CTNNA3: variants seen among roughly 807,000 people sequenced by gnomAD.
The protein encoded by CTNNA3 is catenin alpha-3.
CTNNA3 carries 76 observed loss-of-function variants against 95.7 expected under a neutral mutation model. That is an observed-to-expected ratio of 0.79 (90% confidence interval 0.66 to 0.96). CTNNA3 has a LOEUF of 0.96. CTNNA3 is among the 40% of genes least tolerant of loss of function. CTNNA3 has a pLI of 0.00. For missense variants in CTNNA3, 1,191 were observed against 1,089.8 expected, an observed-to-expected ratio of 1.09 and a Z score of -1.31; for synonymous variants, 431 against 374.4, an observed-to-expected ratio of 1.15 and a Z score of -1.74.
At chr10:66,978,095 C>A (rs1016778290) in intron 7 of CTNNA3, among the ~76,000 whole-genome samples, 1 of 150,626 alleles carries the variant, frequency 6.6e-6, no homozygotes, top group East Asian at 2.0e-4. Context: ...CACACACATG[C>A]GATGACGTTC....
At position 67,539,582 on chromosome 10, in the gene CTNNA3, G is replaced by C; in HGVS notation, c.380C>G (p.Ala127Gly). ...KREAVVQAAR[A>G]LLAAVTRLLI... ...GAGTCTCGTCACCGCAGCCAGCAAG[G>C]CACGGGCAGCTTGAACCACAGCCTC... Residue 127 changes from alanine to glycine, a missense_variant, in exon 4 of 18, where the codon GCC (alanine) becomes GGC (glycine). Ala to Gly is a moderately conservative substitution (Grantham distance 60). Coordinates refer to ENST00000433211, the MANE Select transcript of CTNNA3 (RefSeq NM_013266.4). The C allele has an allele frequency of 1.9e-6, 3 of 1,613,860 alleles. No individual in the cohort carries two copies. The African/African-American group carries it at 4.0e-5, about 22-fold the overall frequency.
intron 13 of CTNNA3, among the ~76,000 whole-genome samples, chr10:66,232,189 G>T (rs72797259): frequency 0.12 from 17,526 of 152,058 alleles, 1,083 homozygotes; most frequent in Middle Eastern, 0.18. Flanking sequence ...CAGACAATAT[G>T]CACCTAAACT....
chr10:66,706,608 T>C lies in CTNNA3; in HGVS notation c.1281+59656A>G, dbSNP rs146614097. 4.3e-3 allele frequency among the ~76,000 whole-genome samples: 650 copies of C among 152,176 alleles called. 2 individuals carry two copies. The highest frequency in any genetic ancestry group is 0.015 in the African/African-American group (616 of 41,562). ...GTTAAAAATAATCTGTTGTTTAAACTGATGGAAACAGGAAGGAGAATGTCA... is the reference window on the plus strand; with the variant it reads ...GTTAAAAATAATCTGTTGTTTAAACCGATGGAAACAGGAAGGAGAATGTCA... On this transcript the variant is annotated intron_variant, in intron 9 of 17. Coordinates refer to ENST00000433211, the MANE Select transcript of CTNNA3 (RefSeq NM_013266.4).
intron 13 of CTNNA3, among the ~76,000 whole-genome samples, chr10:66,252,300 G>T (rs1212566978): frequency 6.6e-6 from 1 of 151,776 alleles, no homozygotes; most frequent in Admixed American, 6.6e-5. Context: ...AAGTTTATTT[G>T]CCTAGGCATC....
At chr10:66,876,692 A>T (rs61866188) in intron 7 of CTNNA3, among the ~76,000 whole-genome samples, 2 of 50,114 alleles carry the variant, frequency 4.0e-5, no homozygotes, top group Non-Finnish European at 1.0e-4. Flanking sequence ...ACAATGTTTA[A>T]CCTTAGCAGG....
chr10:66,409,369 A>G lies in CTNNA3; in HGVS notation c.1532-30017T>C, dbSNP rs10509266. Reference sequence around the variant, plus strand: ...ACTTCACCTCATCTCATCCTCTTCAATCTAATTCTACAGAGAATTTTCTAA... The same window carrying G: ...ACTTCACCTCATCTCATCCTCTTCAGTCTAATTCTACAGAGAATTTTCTAA... On this transcript the variant is annotated intron_variant, in intron 11 of 17. Transcript: ENST00000433211. Among the ~76,000 whole-genome samples the G allele has an allele frequency of 6.2e-3, 943 of 151,952 alleles. 36 individuals are homozygous for G. The highest frequency in any genetic ancestry group is 0.056 in the Admixed American group (848 of 15,252).
At chr10:66,507,466 C>G (rs944974807) in intron 11 of CTNNA3, among the ~76,000 whole-genome samples, 3 of 147,478 alleles carry the variant, frequency 2.0e-5, no homozygotes, top group Admixed American at 6.7e-5. Flanking sequence ...CTAACTGGAA[C>G]TTTATATGCA....
rs112153206 is a variant in CTNNA3 at position 66,071,674 on chromosome 10, T to C, written c.1978-2185A>G. On this transcript the variant is annotated intron_variant, in intron 14 of 17. Coordinates refer to ENST00000433211, the MANE Select transcript of CTNNA3 (RefSeq NM_013266.4). Reference sequence around the variant, plus strand: ...AAAGCAATTGTTCTCCAAAGAATAGTCACATTGTTTAGAACCTAAGTTTCC... The same window carrying C: ...AAAGCAATTGTTCTCCAAAGAATAGCCACATTGTTTAGAACCTAAGTTTCC... Among the ~76,000 whole-genome samples, 1,412 of 152,254 alleles carry C rather than the reference T, an allele frequency of 9.3e-3. 15 individuals are homozygous for C. Among genetic ancestry groups the C allele is most frequent in the African/African-American group, 0.032 (1,318 of 41,562 alleles).
At chr10:67,308,293 A>G (rs1204235040) in intron 5 of CTNNA3, among the ~76,000 whole-genome samples, 1 of 151,798 alleles carries the variant, frequency 6.6e-6, no homozygotes, top group East Asian at 1.9e-4. Context: ...CCCGGGGGGG[A>G]AGTAATTGAA....
chr10:67,260,414 A>G (rs541410958), intron 5 of CTNNA3, among the ~76,000 whole-genome samples: 4 of 152,348 alleles, frequency 2.6e-5, no homozygotes, highest in Admixed American at 2.0e-4. Context: ...GGCAACAAAT[A>G]TAAAATAGTT....
chr10:67,284,160 G>T (rs543981164), intron 5 of CTNNA3, among the ~76,000 whole-genome samples: 1 of 152,268 alleles, frequency 6.6e-6, no homozygotes, highest in African/African-American at 2.4e-5. Context: ...CATTGTTCTT[G>T]TATCAATTCT....
At chr10:66,785,574 C>T (rs558971978) in intron 7 of CTNNA3, among the ~76,000 whole-genome samples, 1 of 152,232 alleles carries the variant, frequency 6.6e-6, no homozygotes, top group African/African-American at 2.4e-5. Flanking sequence ...TCCCTCACCC[C>T]TTAACCTTGT....
In CTNNA3 at chr10:66,709,097, C is replaced by A. The variant is rs55950203; in HGVS notation, c.1281+57167G>T. ...TCTCCAAGGCCTGAATTCCTCTAGA[C>A]CAAATTCATAAACACAGCAGCAGAA... On this transcript the variant is annotated intron_variant, in intron 9 of 17. Transcript: ENST00000433211. 6.5e-3 allele frequency among the ~76,000 whole-genome samples: 995 copies of A among 152,116 alleles called. 10 individuals are homozygous for A. The highest frequency in any genetic ancestry group is 0.023 in the South Asian group (110 of 4,814).
At chr10:67,178,352 T>C (rs1862343269) in intron 7 of CTNNA3, among the ~76,000 whole-genome samples, 2 of 152,056 alleles carry the variant, frequency 1.3e-5, no homozygotes, top group Admixed American at 6.6e-5. Context: ...AGACATATAG[T>C]CACTTTATAA....
At chr10:66,549,999 T>C (rs142970102) in intron 10 of CTNNA3, among the ~76,000 whole-genome samples, 161 of 152,324 alleles carry the variant, frequency 1.1e-3, no homozygotes, top group African/African-American at 3.7e-3. Flanking sequence ...AATGTCTTCA[T>C]TGATTTTTGT....
intron 17 of CTNNA3, among the ~76,000 whole-genome samples, chr10:65,932,928 T>G (rs1043911601): frequency 6.6e-6 from 1 of 152,250 alleles, no homozygotes. Flanking sequence ...AATTGCACCA[T>G]TTCAAGGGGA....
At chr10:67,030,270 T>C (rs915364924) in intron 7 of CTNNA3, among the ~76,000 whole-genome samples, 1 of 152,184 alleles carries the variant, frequency 6.6e-6, no homozygotes, top group Non-Finnish European at 1.5e-5. Context: ...TTAAACAATG[T>C]TTAAAGTTAA....
At chr10:67,392,948 C>T (rs1050715758) in intron 5 of CTNNA3, among the ~76,000 whole-genome samples, 2 of 151,964 alleles carry the variant, frequency 1.3e-5, no homozygotes, top group African/African-American at 4.8e-5. Flanking sequence ...GGAGATATAC[C>T]TAATGCTAGA....
intron 13 of CTNNA3, among the ~76,000 whole-genome samples, chr10:66,235,472 T>C (rs1041658728): frequency 2.0e-5 from 3 of 151,672 alleles, no homozygotes; most frequent in African/African-American, 4.8e-5. Flanking sequence ...AATTGACATA[T>C]AAAATAATTA....
Sources: gnomAD v4.1 joint callset for allele counts (sites outside exome capture counted in the v4.1 genomes callset) on GRCh38, gnomAD v4.1.1 for gene constraint, MANE v1.5 for transcripts, NCBI Gene and HGNC (gene_info 2026-07-23, HGNC 2026-07-21) for gene names.